WDR59: variants seen among roughly 807,000 people sequenced by gnomAD.
WDR59 encodes GATOR2 complex protein WDR59.
In WDR59, 100 loss-of-function variants were observed where a neutral mutation model predicts 131.2. That is an observed-to-expected ratio of 0.76 (90% confidence interval 0.65 to 0.90). WDR59 has a LOEUF of 0.90. Ranked by LOEUF, WDR59 falls within the 40% of genes least tolerant of loss-of-function variation. The pLI, the probability that WDR59 is intolerant of heterozygous loss-of-function variation, is 0.00. For synonymous variants in WDR59, 601 were observed against 466.2 expected (o/e 1.29, Z -3.72); for missense variants, 1,203 against 1,262.2 (o/e 0.95, Z 0.71).
intron 9 of WDR59, 98 bp downstream of exon 9, chr16:74,923,828 C>A (rs1270079164): frequency 9.2e-7 from 1 of 1,082,252 alleles, no homozygotes; most frequent in Non-Finnish European, 1.4e-6. Flanking sequence ...AAGAGAAAAT[C>A]ACCTCACAAA....
At chr16:74,950,693 C>A (rs529038331) in intron 4 of WDR59, among the ~76,000 whole-genome samples, 11 of 151,962 alleles carry the variant, frequency 7.2e-5, no homozygotes, top group African/African-American at 2.2e-4. Context: ...GAAGCCTCGA[C>A]TGGGAGGCGG....
intron 17 of WDR59, among the ~76,000 whole-genome samples, chr16:74,907,186 G>C (rs1451481452): frequency 6.6e-6 from 1 of 152,182 alleles, no homozygotes. Flanking sequence ...CAAAACAGCA[G>C]TGTCTGCTCA....
chr16:74,958,381 G>C (rs1036532897), intron 2 of WDR59, among the ~76,000 whole-genome samples: 8 of 151,746 alleles, frequency 5.3e-5, no homozygotes, highest in African/African-American at 1.7e-4. Context: ...CCTCAGGTCA[G>C]AAGTGGGAGA....
Position 74,885,448 on chromosome 16 carries a change from C to CAAAAAAA in WDR59, c.2689+198_2689+204dup, listed in dbSNP as rs397855343. On this transcript the variant is annotated intron_variant, in intron 25 of 25. Transcript: ENST00000262144. ...GGGCAACAAGAGTGAGATTCCATCT[C>CAAAAAAA]AAAAAAAAAAAAAAAAAAAAAAAAA... 7.4e-4 allele frequency among the ~76,000 whole-genome samples: 46 copies of CAAAAAAA among 62,372 alleles called. 2 individuals carry two copies. The highest frequency in any genetic ancestry group is 1.3e-3 in the East Asian group (2 of 1,578). The allele number at this position is 62,372 out of a possible 152,430, so 40.9% of individuals were successfully genotyped here. A position where few individuals can be genotyped will look rare whatever the true frequency, so the allele number is the denominator to read the frequency against.
intron 2 of WDR59, among the ~76,000 whole-genome samples, chr16:74,964,626 G>A (rs1425941389): frequency 5.9e-5 from 9 of 151,966 alleles, no homozygotes; most frequent in Admixed American, 2.0e-4. Context: ...GAAGCTGATA[G>A]AAAAGAAAAT....
At chr16:74,965,450 C>T (rs985256445) in intron 2 of WDR59, among the ~76,000 whole-genome samples, 5 of 152,170 alleles carry the variant, frequency 3.3e-5, no homozygotes, top group African/African-American at 1.2e-4. Context: ...CTAGGAACCA[C>T]CTGCTTCACC....
intron 8 of WDR59, among the ~76,000 whole-genome samples, chr16:74,935,652 A>T (rs572097148): frequency 2.6e-5 from 4 of 152,114 alleles, no homozygotes; most frequent in African/African-American, 9.7e-5. Context: ...CTTATCTACT[A>T]AAAAAATGGT....
chr16:74,958,706 A>T (rs747131480), intron 2 of WDR59, among the ~76,000 whole-genome samples: 2 of 151,234 alleles, frequency 1.3e-5, no homozygotes, highest in African/African-American at 2.4e-5. Flanking sequence ...TTGTCTCAAG[A>T]CAAGGGCAAG....
At chr16:74,877,419 C>T (rs1964268115) in intron 25 of WDR59, among the ~76,000 whole-genome samples, 1 of 152,186 alleles carries the variant, frequency 6.6e-6, no homozygotes, top group East Asian at 1.9e-4. Context: ...AATTATCTCA[C>T]TTGACAGCTG....
intron 1 of WDR59, among the ~76,000 whole-genome samples, chr16:74,966,121 A>G (rs891123399): frequency 2.0e-5 from 3 of 152,048 alleles, no homozygotes; most frequent in Non-Finnish European, 2.9e-5. Flanking sequence ...ATTTTTGACA[A>G]TAGGGCAGTT....
At chr16:74,920,394 T>G (rs907974253) in intron 10 of WDR59, among the ~76,000 whole-genome samples, 12 of 151,844 alleles carry the variant, frequency 7.9e-5, no homozygotes, top group Admixed American at 2.0e-4. Context: ...GTTAGGTGGG[T>G]TAAATATATA....
chr16:74,954,080 C>T (rs951864848), intron 3 of WDR59, among the ~76,000 whole-genome samples: 2 of 151,670 alleles, frequency 1.3e-5, no homozygotes, highest in African/African-American at 4.8e-5. Context: ...CAATAAGATA[C>T]TCAACATCCT....
rs186879295 is a variant in WDR59 at position 74,886,309 on chromosome 16, G to A, written c.2507C>T (p.Pro836Leu). 2 of 1,613,954 alleles carry A rather than the reference G, an allele frequency of 1.2e-6. No individual in the cohort carries two copies. The highest frequency in any genetic ancestry group is 1.3e-5 in the African/African-American group (1 of 74,978). ...LRFGSLTYSD[P>L]RERERDQHDK... ...ATGCTGGTCGCGTTCTCGCTCACGG[G>A]GATCACTGTAGGTCAGACTCCCAAA... is the stretch of plus-strand genomic sequence containing the variant. Residue 836 changes from proline to leucine, a missense_variant, in exon 24 of 26, where the codon CCC (proline) becomes CTC (leucine). By Grantham distance (98) the Pro-to-Leu change is moderately conservative. Coordinates refer to ENST00000262144, the MANE Select transcript of WDR59 (RefSeq NM_030581.4).
At chr16:74,940,928 T>G (rs957920390) in intron 7 of WDR59, among the ~76,000 whole-genome samples, 3 of 151,870 alleles carry the variant, frequency 2.0e-5, no homozygotes, top group Non-Finnish European at 4.4e-5. Context: ...ATGGTCTCGA[T>G]CTCCTGACCT....
chr16:74,967,857 C>CAA (rs10585403), intron 1 of WDR59, among the ~76,000 whole-genome samples: 2 of 114,300 alleles, frequency 1.7e-5, no homozygotes, highest in Middle Eastern at 4.5e-3. Context: ...GACTCGGTCT[C>CAA]AAAAAAAAAA....
chr16:74,942,501 G>A (rs921142752), intron 7 of WDR59, among the ~76,000 whole-genome samples: 4 of 152,142 alleles, frequency 2.6e-5, no homozygotes, highest in Non-Finnish European at 5.9e-5. Flanking sequence ...TAATTAGGAG[G>A]TGGCAAAATG....
chr16:74,968,335 A>G (rs2033854367), intron 1 of WDR59, among the ~76,000 whole-genome samples: 2 of 152,222 alleles, frequency 1.3e-5, no homozygotes, highest in African/African-American at 4.8e-5. Context: ...ACAGAAGGAC[A>G]TGGCAAGGAC....
chr16:74,917,305 G>A (rs566374473), intron 11 of WDR59, among the ~76,000 whole-genome samples: 7 of 152,308 alleles, frequency 4.6e-5, no homozygotes, highest in African/African-American at 1.2e-4. Context: ...ACAAGGGTAG[G>A]CTTCTTAGCC....
intron 6 of WDR59, among the ~76,000 whole-genome samples, chr16:74,946,899 C>A (rs778308763): frequency 5.9e-5 from 9 of 151,794 alleles, no homozygotes; most frequent in Non-Finnish European, 1.2e-4. Flanking sequence ...TGTTCCAATG[C>A]ACCAAGGAGA....
Sources: gnomAD v4.1 joint callset for allele counts (sites outside exome capture counted in the v4.1 genomes callset) on GRCh38, gnomAD v4.1.1 for gene constraint, MANE v1.5 for transcripts, NCBI Gene and HGNC (gene_info 2026-07-23, HGNC 2026-07-21) for gene names.